Variants in AGMO observed in about 807,000 individuals in gnomAD.
AGMO encodes the protein glyceryl-ether monooxygenase.
A neutral mutation model predicts 60.2 loss-of-function variants in AGMO; 75 were observed. The ratio of observed to expected loss-of-function variants is 1.25; its 90% CI spans 1.03 to 1.51. The LOEUF is 1.51. Among genes scored for constraint, AGMO ranks in the 40% most tolerant of loss-of-function variants. The pLI, the probability that AGMO is intolerant of heterozygous loss-of-function variation, is 0.00. For synonymous variants in AGMO, 261 were observed against 177.1 expected, an observed-to-expected ratio of 1.47 and a Z score of -3.76; for missense variants, 763 against 525.5, an observed-to-expected ratio of 1.45 and a Z score of -4.42.
intron 5 of AGMO, among the ~76,000 whole-genome samples, chr7:15,407,499 T>C (rs1040991069): frequency 1.3e-5 from 2 of 151,282 alleles, no homozygotes; most frequent in African/African-American, 4.8e-5. Context: ...AGTAGAAGAG[T>C]AGATGACTTA....
chr7:15,542,643 C>T (rs970753731), intron 3 of AGMO, among the ~76,000 whole-genome samples: 8 of 152,042 alleles, frequency 5.3e-5, no homozygotes, highest in Admixed American at 1.3e-4. Context: ...CCCTTTGTTG[C>T]ATAGAAAATG....
In AGMO at chr7:15,562,000, G is replaced by A. The variant is rs1785324982; in HGVS notation, c.-155C>T. The A allele has an allele frequency of 9.5e-6, 6 of 633,876 alleles. No individual in the cohort carries two copies. Among genetic ancestry groups the A allele is most frequent in the African/African-American group, 1.9e-5 (1 of 53,630 alleles). The allele number at this position is 633,876 out of a possible 1,614,324, so 39.3% of individuals were successfully genotyped here. A position where few individuals can be genotyped will look rare whatever the true frequency, so the allele number is the denominator to read the frequency against. On this transcript the variant is annotated 5_prime_UTR_variant, in exon 1 of 13. Coordinates refer to ENST00000342526, the MANE Select transcript of AGMO (RefSeq NM_001004320.2). ...TCCACTGAGAGCACACTCAACAGCCGATTCTGTGTAGAGAGACAGGAAAAT... is the reference window on the plus strand; with the variant it reads ...TCCACTGAGAGCACACTCAACAGCCAATTCTGTGTAGAGAGACAGGAAAAT...
At chr7:15,509,851 C>T (rs1783623958) in intron 3 of AGMO, among the ~76,000 whole-genome samples, 1 of 152,026 alleles carries the variant, frequency 6.6e-6, no homozygotes, top group African/African-American at 2.4e-5. Context: ...ATCAAAAATG[C>T]AATGAGCTAT....
intron 3 of AGMO, among the ~76,000 whole-genome samples, chr7:15,454,999 A>G (rs1038117461): frequency 6.6e-6 from 1 of 151,588 alleles, no homozygotes; most frequent in Non-Finnish European, 1.5e-5. Context: ...AAGATATTTT[A>G]TATGTCAACT....
chr7:15,453,049 G>A (rs182174933), intron 3 of AGMO, among the ~76,000 whole-genome samples: 9 of 152,134 alleles, frequency 5.9e-5, no homozygotes, highest in East Asian at 3.9e-4. Context: ...GTAGATTAGC[G>A]GCTGCCAAGG....
chr7:15,367,717 C>T (rs920599483), intron 10 of AGMO, among the ~76,000 whole-genome samples: 1 of 152,092 alleles, frequency 6.6e-6, no homozygotes, highest in Non-Finnish European at 1.5e-5. Flanking sequence ...GTATTGGACA[C>T]AGTTCCTGGA....
chr7:15,553,185 G>T (rs868031385), intron 2 of AGMO, among the ~76,000 whole-genome samples: 116 of 151,574 alleles, frequency 7.7e-4, no homozygotes, highest in Middle Eastern at 3.4e-3. Flanking sequence ...GTGGGCGGAG[G>T]GGGGAGGGAT....
chr7:15,138,430 C>A, the AGMO span, among the ~76,000 whole-genome samples: 15 of 152,264 alleles, frequency 9.9e-5, no homozygotes, highest in Non-Finnish European at 8.8e-5. Context: ...ATCATAATCC[C>A]GACATCCTAA....
intron 12 of AGMO, among the ~76,000 whole-genome samples, chr7:15,237,544 A>C (rs2128501614): frequency 6.6e-6 from 1 of 152,174 alleles, no homozygotes; most frequent in South Asian, 2.1e-4. Context: ...ACATGAAACT[A>C]CAGAATTTAA....
intron 12 of AGMO, among the ~76,000 whole-genome samples, chr7:15,251,350 C>G (rs894419239): frequency 6.6e-6 from 1 of 152,080 alleles, no homozygotes; most frequent in South Asian, 2.1e-4. Context: ...TAAAAACTGT[C>G]CTGGGAAATT....
At chr7:15,485,840 C>G (rs1782907331) in intron 3 of AGMO, among the ~76,000 whole-genome samples, 1 of 151,026 alleles carries the variant, frequency 6.6e-6, no homozygotes, top group Non-Finnish European at 1.5e-5. Flanking sequence ...TTTTTCTTTC[C>G]CTATGTAGAC....
chr7:15,272,898 A>AT (rs1323047985), intron 12 of AGMO, among the ~76,000 whole-genome samples: 1 of 151,998 alleles, frequency 6.6e-6, no homozygotes, highest in African/African-American at 2.4e-5. Flanking sequence ...GATGATGAGC[A>AT]TTTTTTCATG....
chr7:15,553,231 T>A (rs1358128130), intron 2 of AGMO, among the ~76,000 whole-genome samples: 3 of 150,924 alleles, frequency 2.0e-5, no homozygotes, highest in Non-Finnish European at 2.9e-5. Context: ...AGATGACGAG[T>A]TAGTGGGTGC....
chr7:15,257,771 A>C (rs1342623133), intron 12 of AGMO, among the ~76,000 whole-genome samples: 1 of 152,212 alleles, frequency 6.6e-6, no homozygotes, highest in East Asian at 1.9e-4. Context: ...AGGATTTAAT[A>C]GCTACTCTAT....
At chr7:15,442,797 A>T (rs1428586658) in intron 3 of AGMO, among the ~76,000 whole-genome samples, 2 of 152,184 alleles carry the variant, frequency 1.3e-5, no homozygotes, top group South Asian at 2.1e-4. Flanking sequence ...GCCTAAAAAA[A>T]CCTGAGAACC....
intron 11 of AGMO, 140 bp downstream of exon 11, chr7:15,366,000 A>G (rs1372129314): frequency 3.3e-6 from 2 of 602,482 alleles, no homozygotes; most frequent in East Asian, 2.9e-5. Flanking sequence ...CTTCTCTAAA[A>G]TAATGAGAAG....
the AGMO span, among the ~76,000 whole-genome samples, chr7:15,131,800 G>A: frequency 7.0e-6 from 1 of 142,008 alleles, no homozygotes; most frequent in Non-Finnish European, 1.5e-5. Context: ...AAACAAGGTA[G>A]GAGTAATTCC....
At chr7:15,320,475 A>C (rs989367829) in intron 12 of AGMO, among the ~76,000 whole-genome samples, 3 of 152,102 alleles carry the variant, frequency 2.0e-5, no homozygotes, top group Admixed American at 6.6e-5. Flanking sequence ...GATTATGATT[A>C]ACTTTACAAA....
chr7:15,310,883 C>T (rs1260661110), intron 12 of AGMO, among the ~76,000 whole-genome samples: 2 of 152,096 alleles, frequency 1.3e-5, no homozygotes, highest in African/African-American at 2.4e-5. Context: ...AGAGGCTGCC[C>T]GCATTCTTTG....
Sources: gnomAD v4.1 joint callset for allele counts (sites outside exome capture counted in the v4.1 genomes callset) on GRCh38, gnomAD v4.1.1 for gene constraint, MANE v1.5 for transcripts, NCBI Gene and HGNC (gene_info 2026-07-23, HGNC 2026-07-21) for gene names.